Variants in GABRA3 observed in about 807,000 individuals in gnomAD.
GABRA3 encodes the protein gamma-aminobutyric acid receptor subunit alpha-3.
A neutral mutation model predicts 30.1 loss-of-function variants in GABRA3; 10 were observed. The observed-to-expected ratio is 0.33, with a 90% CI of 0.20 to 0.56. GABRA3 has a LOEUF of 0.56. GABRA3 is among the 20% of genes least tolerant of loss of function. The probability of loss-of-function intolerance (pLI) is 0.89; values close to 1 mark genes in which losing one functional copy is unlikely to be tolerated. For missense variants in GABRA3, 233 were observed against 392.0 expected (o/e 0.59, Z 3.42); for synonymous variants, 151 against 146.8 (o/e 1.03, Z -0.21).
intron 4 of GABRA3, among the ~76,000 whole-genome samples, chrX:152,269,723 C>A (rs184028354): frequency 1.0e-3 from 116 of 112,050 alleles, no homozygotes; most frequent in African/African-American, 3.8e-3. Context: ...ACAAAGGCAG[C>A]AAGAACATAC....
chrX:152,424,928 CTTTTT>C (rs747255822), intron 1 of GABRA3, among the ~76,000 whole-genome samples: 1 of 42,336 alleles, frequency 2.4e-5, no homozygotes, highest in African/African-American at 1.2e-4. Context: ...TTTTTCTTTT[CTTTTT>C]TTTTTTTTTT....
rs771072822 is a variant in GABRA3 at position 152,417,678 on chromosome X, T to A, written c.-27+33468A>T. 1.1e-4 allele frequency among the ~76,000 whole-genome samples: 10 copies of A among 94,810 alleles called. No individual in the cohort carries two copies. The East Asian group carries it at 3.2e-3, about 30-fold the overall frequency. 82.3% of individuals were successfully genotyped at this position (94,810 alleles called of 115,157 possible). ...AAGAAAATGTGGCACATATACACCA[T>A]GGAATACTATGCAGCCATAAAAAAT... On this transcript the variant is annotated intron_variant, in intron 1 of 9. Transcript: ENST00000370314.
intron 9 of GABRA3, among the ~76,000 whole-genome samples, chrX:152,176,598 T>C (rs1043276784): frequency 9.5e-4 from 106 of 111,293 alleles, no homozygotes; most frequent in Non-Finnish European, 1.5e-3. Flanking sequence ...GGAAGAATAG[T>C]GACATTATTG....
At chrX:152,345,914 G>A (rs1315270026) in intron 2 of GABRA3, among the ~76,000 whole-genome samples, 3 of 111,297 alleles carry the variant, frequency 2.7e-5, no homozygotes, top group African/African-American at 9.8e-5. Flanking sequence ...TCTTACTCTA[G>A]CATTGGTATG....
At chrX:152,270,438 G>A (rs1255464375) in intron 4 of GABRA3, among the ~76,000 whole-genome samples, 1 of 111,645 alleles carries the variant, frequency 9.0e-6, no homozygotes, top group African/African-American at 3.3e-5. Flanking sequence ...GTGTGAGAAC[G>A]GACTAATACA....
At chrX:152,342,488 G>C (rs913818141) in intron 3 of GABRA3, among the ~76,000 whole-genome samples, 7 of 110,701 alleles carry the variant, frequency 6.3e-5, no homozygotes, top group Non-Finnish European at 1.1e-4. Context: ...TCCATGTCTT[G>C]TTTTTGCTAA....
chrX:152,172,504 A>G (rs1319202790), intron 9 of GABRA3, among the ~76,000 whole-genome samples: 1 of 111,880 alleles, frequency 8.9e-6, no homozygotes, highest in African/African-American at 3.2e-5. Flanking sequence ...CCATGTTCAC[A>G]CCTTCATTAT....
chrX:152,441,006 T>C (rs1225059714), intron 1 of GABRA3, among the ~76,000 whole-genome samples: 1 of 16,621 alleles, frequency 6.0e-5, no homozygotes, highest in Non-Finnish European at 2.3e-4. Flanking sequence ...AGACTTATAG[T>C]ATAATAAAAA....
intron 4 of GABRA3, among the ~76,000 whole-genome samples, chrX:152,270,255 T>C (rs1001257374): frequency 8.1e-5 from 9 of 110,496 alleles, no homozygotes; most frequent in African/African-American, 3.0e-4. Context: ...TAAGAGGCTT[T>C]CCCCCCCTTT....
intron 9 of GABRA3, among the ~76,000 whole-genome samples, chrX:152,173,522 C>T (rs188128356): frequency 9.8e-4 from 109 of 111,364 alleles, no homozygotes; most frequent in African/African-American, 3.4e-3. Flanking sequence ...TCTCGGCTCA[C>T]TGCAATCTCT....
intron 1 of GABRA3, among the ~76,000 whole-genome samples, chrX:152,394,052 ATCAT>A (rs1467136724): frequency 9.0e-6 from 1 of 111,654 alleles, no homozygotes; most frequent in Non-Finnish European, 1.9e-5. Flanking sequence ...CATCATCATC[ATCAT>A]TGTTATCATC....
Position 152,168,069 on chromosome X carries a change from T to C in GABRA3, c.*159A>G. On this transcript the variant is annotated 3_prime_UTR_variant, in exon 10 of 10. Transcript: ENST00000370314. ...GGGACAAGTAATTTTTCTGTAGTTA[T>C]TTTTTGCGTAGAGATTCATAAATAT... The C allele has an allele frequency of 2.2e-6, 1 of 461,271 alleles. No homozygotes were observed. Among genetic ancestry groups the C allele is most frequent in the Non-Finnish European group, 3.7e-6 (1 of 269,076 alleles). The allele number at this position is 461,271 out of a possible 1,213,427, so 38.0% of individuals were successfully genotyped here.
At chrX:152,237,279 C>T (rs1217513142) in intron 5 of GABRA3, among the ~76,000 whole-genome samples, 1 of 109,913 alleles carries the variant, frequency 9.1e-6, no homozygotes, top group Admixed American at 9.8e-5. Context: ...TTGTTTTTCT[C>T]AGGTTTGTCA....
At chrX:152,412,434 G>A (rs1226819298) in intron 1 of GABRA3, among the ~76,000 whole-genome samples, 1 of 111,965 alleles carries the variant, frequency 8.9e-6, no homozygotes, top group Non-Finnish European at 1.9e-5. Flanking sequence ...ATCTGTCAAC[G>A]GATGAGTGGA....
chrX:152,203,916 C>T (rs763835304), intron 7 of GABRA3, among the ~76,000 whole-genome samples: 72 of 111,765 alleles, frequency 6.4e-4, no homozygotes, highest in African/African-American at 2.3e-3. Context: ...ACAGGTTCTA[C>T]GGAATAGAAT....
At chrX:152,296,703 C>CTT (rs1255241711) in intron 3 of GABRA3, among the ~76,000 whole-genome samples, 6 of 100,723 alleles carry the variant, frequency 6.0e-5, no homozygotes, top group Non-Finnish European at 8.1e-5. Context: ...TTTTCTTTCT[C>CTT]TTTTTTTTTT....
intron 5 of GABRA3, among the ~76,000 whole-genome samples, chrX:152,255,549 C>A (rs886959999): frequency 3.6e-5 from 4 of 111,758 alleles, no homozygotes; most frequent in Admixed American, 2.8e-4. Context: ...GAATGTATAC[C>A]TCTGTGTTTC....
chrX:152,171,875 G>A (rs2124324398), intron 9 of GABRA3, among the ~76,000 whole-genome samples: 1 of 111,798 alleles, frequency 8.9e-6, no homozygotes. Flanking sequence ...ATGAGGCAAT[G>A]AAAACTTTTA....
At chrX:152,249,978 G>A (rs986711726) in intron 5 of GABRA3, among the ~76,000 whole-genome samples, 1 of 110,838 alleles carries the variant, frequency 9.0e-6, no homozygotes, top group African/African-American at 3.3e-5. Flanking sequence ...GTCTCACAAA[G>A]AAGCATGGAT....
Sources: gnomAD v4.1 joint callset for allele counts (sites outside exome capture counted in the v4.1 genomes callset) on GRCh38, gnomAD v4.1.1 for gene constraint, MANE v1.5 for transcripts, NCBI Gene and HGNC (gene_info 2026-07-23, HGNC 2026-07-21) for gene names.